ZNF385D: variants seen among roughly 807,000 people sequenced by gnomAD.
ZNF385D encodes zinc finger protein 385D, also known as zinc finger protein 659.
A neutral mutation model predicts 35.8 loss-of-function variants in ZNF385D; 15 were observed. That is an observed-to-expected ratio of 0.42 (90% confidence interval 0.28 to 0.64). ZNF385D has a LOEUF of 0.64. Among genes scored for constraint, ZNF385D ranks in the 30% least tolerant of loss-of-function variants. The pLI is 0.23. For missense variants in ZNF385D, 474 were observed against 494.6 expected, an observed-to-expected ratio of 0.96 and a Z score of 0.39; for synonymous variants, 212 against 186.8, an observed-to-expected ratio of 1.13 and a Z score of -1.10.
At chr3:22,037,547 T>G (rs1416965856) in intron 3 of ZNF385D, among the ~76,000 whole-genome samples, 2 of 152,104 alleles carry the variant, frequency 1.3e-5, no homozygotes, top group Non-Finnish European at 2.9e-5. Flanking sequence ...TCACCCACTT[T>G]TTGATGGGGT....
At chr3:22,227,093 A>C (rs1698603857) in intron 2 of ZNF385D, among the ~76,000 whole-genome samples, 1 of 152,110 alleles carries the variant, frequency 6.6e-6, no homozygotes, top group Non-Finnish European at 1.5e-5. Flanking sequence ...TAAGGTGTCC[A>C]GCTATTTGTA....
intron 3 of ZNF385D, among the ~76,000 whole-genome samples, chr3:21,860,708 T>TG (rs1202148022): frequency 7.9e-5 from 12 of 152,162 alleles, no homozygotes; most frequent in Admixed American, 3.3e-4. Flanking sequence ...CTCTAACTTC[T>TG]GCCTCAAAAT....
chr3:22,015,388 A>T (rs1696821149), intron 3 of ZNF385D, among the ~76,000 whole-genome samples: 1 of 152,138 alleles, frequency 6.6e-6, no homozygotes, highest in Admixed American at 6.5e-5. Context: ...TGAACACCTA[A>T]GTCAACTTGA....
chr3:21,665,171 C>T (rs919288246), intron 1 of ZNF385D, 143 bp from the exon 2 acceptor site: 17 of 1,098,616 alleles, frequency 1.5e-5, no homozygotes, highest in African/African-American at 6.5e-5. Flanking sequence ...AACTGGGAAC[C>T]GGCCAATGAG....
intron 2 of ZNF385D, among the ~76,000 whole-genome samples, chr3:22,290,962 A>G (rs1044891926): frequency 3.9e-5 from 6 of 152,124 alleles, no homozygotes; most frequent in Non-Finnish European, 7.4e-5. Context: ...GGCATGAGGA[A>G]CAAGAGACTG....
chr3:21,875,829 C>T (rs1045397471), intron 3 of ZNF385D, among the ~76,000 whole-genome samples: 1 of 108,266 alleles, frequency 9.2e-6, no homozygotes, highest in African/African-American at 3.3e-5. Flanking sequence ...GGAAGCACTA[C>T]TCAAAGAGTA....
At chr3:22,123,787 A>G (rs1052702440) in intron 3 of ZNF385D, among the ~76,000 whole-genome samples, 5 of 151,970 alleles carry the variant, frequency 3.3e-5, no homozygotes, top group African/African-American at 1.2e-4. Flanking sequence ...GCTTGAACCC[A>G]AGAGGCGGAG....
chr3:21,719,432 A>G lies in ZNF385D; in HGVS notation c.22+31463T>C, dbSNP rs569487655. Among the ~76,000 whole-genome samples, 4 of 152,336 alleles carry G rather than the reference A, an allele frequency of 2.6e-5. No homozygotes were observed. The South Asian group carries it at 8.3e-4, about 32-fold the overall frequency. ...CAATAAGCCTCAGCATTTGCACTGT[A>G]ATTGAGCTCACTCAAGCAAAGGTAT... On this transcript the variant is annotated intron_variant, in intron 1 of 7. Transcript: ENST00000281523.
chr3:22,237,817 T>C (rs1236045310), intron 2 of ZNF385D, among the ~76,000 whole-genome samples: 1 of 151,964 alleles, frequency 6.6e-6, no homozygotes, highest in Admixed American at 6.6e-5. Flanking sequence ...CTAATTTTTG[T>C]ATTTTTAGTA....
At chr3:22,264,015 C>G (rs908240554) in intron 2 of ZNF385D, among the ~76,000 whole-genome samples, 1 of 151,948 alleles carries the variant, frequency 6.6e-6, no homozygotes, top group African/African-American at 2.4e-5. Flanking sequence ...GCTGTCATAA[C>G]TGTAGTCATG....
At chr3:22,086,414 C>CA (rs1701044778) in intron 3 of ZNF385D, among the ~76,000 whole-genome samples, 1 of 152,104 alleles carries the variant, frequency 6.6e-6, no homozygotes, top group Non-Finnish European at 1.5e-5. Context: ...CAATAACAGA[C>CA]AGAGAGCCAA....
At chr3:21,622,613 G>T (rs971275893) in intron 2 of ZNF385D, among the ~76,000 whole-genome samples, 1 of 152,102 alleles carries the variant, frequency 6.6e-6, no homozygotes, top group African/African-American at 2.4e-5. Flanking sequence ...TAATATTACA[G>T]ATAAGAAAGT....
chr3:21,516,591 C>T (rs960738890), intron 3 of ZNF385D, among the ~76,000 whole-genome samples: 21 of 152,296 alleles, frequency 1.4e-4, no homozygotes, highest in African/African-American at 4.6e-4. Flanking sequence ...TCCTGGCCAC[C>T]TCCCCATAAC....
intron 3 of ZNF385D, among the ~76,000 whole-genome samples, chr3:21,929,416 A>G (rs1267193981): frequency 1.3e-5 from 2 of 152,102 alleles, no homozygotes; most frequent in African/African-American, 4.8e-5. Flanking sequence ...AGGCATAGAC[A>G]GCTGATCTTG....
chr3:21,611,937 T>G (rs2064692845), intron 2 of ZNF385D, among the ~76,000 whole-genome samples: 1 of 152,086 alleles, frequency 6.6e-6, no homozygotes, highest in Admixed American at 6.5e-5. Context: ...AAGACTAGAC[T>G]TACAGCCATG....
intron 4 of ZNF385D, among the ~76,000 whole-genome samples, chr3:21,454,533 C>G (rs1317025019): frequency 6.6e-6 from 1 of 152,042 alleles, no homozygotes; most frequent in Non-Finnish European, 1.5e-5. Context: ...AAGCATGCTC[C>G]CACCTTAGAA....
At chr3:21,951,743 C>G (rs1348264237) in intron 3 of ZNF385D, among the ~76,000 whole-genome samples, 2 of 151,252 alleles carry the variant, frequency 1.3e-5, no homozygotes, top group Non-Finnish European at 2.9e-5. Flanking sequence ...TGAAATAAAC[C>G]CTTCAACTTT....
intron 4 of ZNF385D, among the ~76,000 whole-genome samples, chr3:21,498,310 A>G (rs1276239192): frequency 6.6e-6 from 1 of 152,178 alleles, no homozygotes; most frequent in Admixed American, 6.6e-5. Context: ...GTAGGATCTG[A>G]CAAAGATTTC....
intron 3 of ZNF385D, among the ~76,000 whole-genome samples, chr3:22,110,376 T>C (rs551754621): frequency 6.6e-6 from 1 of 152,030 alleles, no homozygotes; most frequent in Non-Finnish European, 1.5e-5. Context: ...TAGCAAAGAC[T>C]TGGAACCAAC....
Sources: allele counts gnomAD v4.1 joint callset (sites outside exome capture counted in the v4.1 genomes callset), GRCh38; gene constraint gnomAD v4.1.1; transcripts MANE v1.5; gene names NCBI Gene and HGNC (gene_info 2026-07-23, HGNC 2026-07-21).